The following BMP6 variants were observed in gnomAD, a reference collection of about 807,000 sequenced individuals.
BMP6 encodes VG-1-R.
In BMP6, 17 loss-of-function variants were observed where a neutral mutation model predicts 54.1. The observed-to-expected ratio is 0.31, with a 90% CI of 0.22 to 0.47. BMP6 has a LOEUF of 0.47. Among genes scored for constraint, BMP6 ranks in the 20% least tolerant of loss-of-function variants. The pLI, the probability that BMP6 is intolerant of heterozygous loss-of-function variation, is 1.00. For missense variants in BMP6, 720 were observed against 690.4 expected, an observed-to-expected ratio of 1.04 and a Z score of -0.48; for synonymous variants, 328 against 291.2, an observed-to-expected ratio of 1.13 and a Z score of -1.28.
chr6:7,849,599 G>A (rs1231537334), intron 2 of BMP6, among the ~76,000 whole-genome samples: 1 of 152,068 alleles, frequency 6.6e-6, no homozygotes, highest in Non-Finnish European at 1.5e-5. Flanking sequence ...ACATTTTGAG[G>A]TCTTTAGAGA....
At chr6:7,732,906 T>A (rs1761891283) in intron 1 of BMP6, among the ~76,000 whole-genome samples, 1 of 152,020 alleles carries the variant, frequency 6.6e-6, no homozygotes, top group South Asian at 2.1e-4. Flanking sequence ...ATGATTTTTT[T>A]TTTTTTTTAA....
At chr6:7,779,962 G>C (rs770131543) in intron 1 of BMP6, among the ~76,000 whole-genome samples, 2 of 152,112 alleles carry the variant, frequency 1.3e-5, no homozygotes, top group Admixed American at 6.5e-5. Context: ...GAAACCACAG[G>C]CCACCTTTGG....
chr6:7,808,046 A>G (rs957288918), intron 1 of BMP6, among the ~76,000 whole-genome samples: 1 of 148,502 alleles, frequency 6.7e-6, no homozygotes, highest in South Asian at 2.1e-4. Flanking sequence ...TCAGCCTCCC[A>G]AGTAGCTGGG....
chr6:7,754,118 T>A (rs1757471386), intron 1 of BMP6, among the ~76,000 whole-genome samples: 1 of 152,156 alleles, frequency 6.6e-6, no homozygotes, highest in African/African-American at 2.4e-5. Flanking sequence ...TATTGTCTTT[T>A]TTTCTTTCTT....
At chr6:7,845,589 C>T (rs1440419844) in intron 2 of BMP6, among the ~76,000 whole-genome samples, 1 of 152,140 alleles carries the variant, frequency 6.6e-6, no homozygotes, top group Non-Finnish European at 1.5e-5. Context: ...TCAGATAACT[C>T]CATAATTTAT....
At chr6:7,814,465 C>G (rs924048476) in intron 1 of BMP6, among the ~76,000 whole-genome samples, 1 of 152,178 alleles carries the variant, frequency 6.6e-6, no homozygotes, top group African/African-American at 2.4e-5. Context: ...TGTTTGCAGA[C>G]TTTTGCTGTT....
At chr6:7,872,363 C>T (rs961735352) in intron 4 of BMP6, among the ~76,000 whole-genome samples, 10 of 151,256 alleles carry the variant, frequency 6.6e-5, no homozygotes, top group African/African-American at 2.4e-4. Context: ...GAGTGGCAGA[C>T]ACAAGTATTC....
chr6:7,746,199 G>GTGC (rs1757344933), intron 1 of BMP6, among the ~76,000 whole-genome samples: 1 of 152,200 alleles, frequency 6.6e-6, no homozygotes, highest in Non-Finnish European at 1.5e-5. Flanking sequence ...GTGGCTACTG[G>GTGC]TGCTGGCACA....
In BMP6 at chr6:7,861,537, A is replaced by G; in HGVS notation, c.944A>G (p.Asn315Ser). Residue 315 changes from asparagine to serine, a missense_variant, in exon 3 of 7, where the codon AAT (asparagine) becomes AGT (serine). Asn to Ser is a conservative substitution (Grantham distance 46, BLOSUM62 1). Transcript: ENST00000283147. ...WLEFDITATS[N>S]LWVVTPQHNM... ...GAATTTGACATCACGGCCACTAGCA[A>G]TCTGTGGGTTGTGACTCCACAGCAT... is the stretch of plus-strand genomic sequence containing the variant. 1 of 1,614,184 alleles carries G rather than the reference A, an allele frequency of 6.2e-7. No homozygotes were observed. The highest frequency in any genetic ancestry group is 2.2e-5 in the East Asian group (1 of 44,888).
intron 1 of BMP6, among the ~76,000 whole-genome samples, chr6:7,727,936 T>TTC: frequency 6.6e-6 from 1 of 151,522 alleles, no homozygotes; most frequent in Middle Eastern, 3.4e-3. Context: ...GCGCTTTTTT[T>TTC]CACTTCTGCC....
chr6:7,861,542 T>C lies in BMP6; in HGVS notation c.949T>C (p.Trp317Arg), dbSNP rs1472857701. 1 of 1,614,070 alleles carries C rather than the reference T, an allele frequency of 6.2e-7. No homozygotes were observed. Among genetic ancestry groups the C allele is most frequent in the Non-Finnish European group, 8.5e-7 (1 of 1,180,048 alleles). Residue 317 changes from tryptophan (W) to arginine (R), a missense_variant, in exon 3 of 7, where the codon TGG (tryptophan) becomes CGG (arginine). Trp to Arg is a moderately radical substitution (Grantham distance 101). Coordinates refer to ENST00000283147, the MANE Select transcript of BMP6 (RefSeq NM_001718.6). The stretch of plus-strand genomic sequence containing the variant: ...TGACATCACGGCCACTAGCAATCTG[T>C]GGGTTGTGACTCCACAGCATAACAT... Reference protein sequence around the residue: ...EFDITATSNLWVVTPQHNMGL... With the variant: ...EFDITATSNLRVVTPQHNMGL...
At chr6:7,852,849 A>C (rs895852078) in intron 2 of BMP6, among the ~76,000 whole-genome samples, 4 of 152,218 alleles carry the variant, frequency 2.6e-5, no homozygotes, top group Admixed American at 6.5e-5. Context: ...CAGGACTTGA[A>C]GAGCCAGAGT....
intron 1 of BMP6, among the ~76,000 whole-genome samples, chr6:7,771,717 T>A (rs1482218224): frequency 2.0e-5 from 3 of 152,172 alleles, no homozygotes; most frequent in Non-Finnish European, 4.4e-5. Context: ...GCAGGCTGTA[T>A]AGCAGAAACC....
At chr6:7,827,301 G>A (rs983491075) in intron 1 of BMP6, among the ~76,000 whole-genome samples, 2 of 152,144 alleles carry the variant, frequency 1.3e-5, no homozygotes, top group African/African-American at 2.4e-5. Flanking sequence ...GACTGAATCC[G>A]GAGGCAAATC....
intron 1 of BMP6, among the ~76,000 whole-genome samples, chr6:7,775,005 C>T (rs1357846142): frequency 1.3e-5 from 2 of 152,174 alleles, no homozygotes; most frequent in African/African-American, 2.4e-5. Context: ...GCTGAACTTA[C>T]TCTTTTATCA....
intron 1 of BMP6, among the ~76,000 whole-genome samples, chr6:7,795,988 T>C (rs1454516081): frequency 4.6e-5 from 7 of 152,092 alleles, no homozygotes; most frequent in Non-Finnish European, 1.0e-4. Context: ...AGTACGCAGT[T>C]GGAGTCAAAT....
intron 4 of BMP6, among the ~76,000 whole-genome samples, chr6:7,875,432 C>G (rs959090178): frequency 5.9e-5 from 9 of 152,174 alleles, no homozygotes; most frequent in Non-Finnish European, 1.3e-4. Context: ...AATCTCAGCA[C>G]TTTGGGAGGC....
chr6:7,829,446 G>A (rs1361768806), intron 1 of BMP6, among the ~76,000 whole-genome samples: 1 of 152,162 alleles, frequency 6.6e-6, no homozygotes, highest in African/African-American at 2.4e-5. Context: ...GCTCACACCT[G>A]TAACCCCAGC....
intron 4 of BMP6, among the ~76,000 whole-genome samples, chr6:7,869,963 G>C (rs1759494790): frequency 6.6e-6 from 1 of 152,080 alleles, no homozygotes; most frequent in Non-Finnish European, 1.5e-5. Context: ...CCCAGGAAGG[G>C]AGCTATGGCC....
Sources: allele counts gnomAD v4.1 joint callset (sites outside exome capture counted in the v4.1 genomes callset), GRCh38; gene constraint gnomAD v4.1.1; transcripts MANE v1.5; gene names NCBI Gene and HGNC (gene_info 2026-07-23, HGNC 2026-07-21).